The following MYT1L variants were observed in gnomAD, a reference collection of about 807,000 sequenced individuals.
MYT1L encodes myelin transcription factor 1-like protein.
A neutral mutation model predicts 126.7 loss-of-function variants in MYT1L; 12 were observed. The ratio of observed to expected loss-of-function variants is 0.09; its 90% CI spans 0.06 to 0.15. The LOEUF is 0.15. Ranked by LOEUF, MYT1L falls within the 10% of genes least tolerant of loss-of-function variation. The probability of loss-of-function intolerance (pLI) is 1.00; values close to 1 mark genes in which losing one functional copy is unlikely to be tolerated. For synonymous variants in MYT1L, 541 were observed against 604.2 expected (o/e 0.90, Z 1.53); for missense variants, 979 against 1,585.2 (o/e 0.62, Z 6.49).
In MYT1L at chr2:1,887,756, C is replaced by G; in HGVS notation, c.2521-147G>C. On this transcript the variant is annotated intron_variant, in intron 16 of 24. Coordinates refer to ENST00000647738, the MANE Select transcript of MYT1L (RefSeq NM_001303052.2). This position sits in a 1 kb window ranked among gnomAD's most constrained non-coding sequence, Gnocchi z 4.8. ...GATCCTTTTGGTCCTGATAACGCCC[C>G]TACTGAAAATGCATATTGAACTTTT... is the stretch of plus-strand genomic sequence containing the variant. 2.1e-6 allele frequency: 2 copies of G among 947,304 alleles called. No homozygotes were observed. The highest frequency in any genetic ancestry group is 4.8e-5 in the East Asian group (2 of 41,258). 58.7% of individuals were successfully genotyped at this position (947,304 alleles called of 1,614,324 possible).
intron 2 of MYT1L, among the ~76,000 whole-genome samples, chr2:2,217,697 C>A (rs1010655793): frequency 0.087 from 5,986 of 68,814 alleles, 389 homozygotes; most frequent in African/African-American, 0.16. Context: ...ACAACAACAA[C>A]AACAACAACA....
chr2:1,975,259 C>CTGCCAGATCCCACCGCCAGATCCCAT (rs2060083202), intron 8 of MYT1L, among the ~76,000 whole-genome samples: 2 of 152,210 alleles, frequency 1.3e-5, no homozygotes, highest in Non-Finnish European at 2.9e-5. Flanking sequence ...CCAGATCCCA[C>CTGCCAGATCCCACCGCCAGATCCCAT]TGCCAGATCC....
intron 8 of MYT1L, among the ~76,000 whole-genome samples, chr2:1,950,672 G>A (rs11695699): frequency 0.12 from 17,975 of 152,222 alleles, 1,234 homozygotes; most frequent in East Asian, 0.31. Flanking sequence ...CCCAGAGGGC[G>A]AGTTCAGGGA....
intron 3 of MYT1L, among the ~76,000 whole-genome samples, chr2:2,069,040 C>T (rs2074265924): frequency 6.6e-6 from 1 of 151,866 alleles, no homozygotes; most frequent in African/African-American, 2.4e-5. Context: ...GAAAAACACA[C>T]AAGGAGAAAA....
intron 3 of MYT1L, among the ~76,000 whole-genome samples, chr2:2,072,184 T>C (rs373607579): frequency 4.1e-4 from 62 of 152,288 alleles, no homozygotes; most frequent in African/African-American, 1.4e-3. Context: ...TGTCTATATG[T>C]CTTTGGTGGG....
intron 9 of MYT1L, among the ~76,000 whole-genome samples, chr2:1,935,952 CTT>C (rs1352425980): frequency 3.3e-5 from 5 of 152,310 alleles, no homozygotes; most frequent in African/African-American, 2.4e-5. Flanking sequence ...GAGTTTTGCT[CTT>C]GTCACCCAGG....
chr2:1,839,738 G>T (rs1445450560), intron 20 of MYT1L, among the ~76,000 whole-genome samples: 2 of 152,172 alleles, frequency 1.3e-5, no homozygotes, highest in Non-Finnish European at 2.9e-5. Context: ...TTTTCAGGTG[G>T]AAAAAATGCA....
rs150930756 is a variant in MYT1L, at chr2:2,251,362, G to T, written c.-421+33042C>A. Among the ~76,000 whole-genome samples the T allele has an allele frequency of 2.4e-3, 368 of 152,270 alleles. 1 individual carries two copies. Among genetic ancestry groups the T allele is most frequent in the African/African-American group, 8.7e-3 (361 of 41,534 alleles). On this transcript the variant is annotated intron_variant, in intron 2 of 24. Coordinates refer to ENST00000647738, the MANE Select transcript of MYT1L (RefSeq NM_001303052.2). ...GCTGCAGCCCAGGCTTCACTCTCCT[G>T]CCCTTGCAAGTGGTATCACTCCACC...
chr2:2,011,955 G>A (rs1232663644), intron 4 of MYT1L, among the ~76,000 whole-genome samples: 1 of 152,134 alleles, frequency 6.6e-6, no homozygotes, highest in Non-Finnish European at 1.5e-5. Flanking sequence ...ACCACCAAGG[G>A]AATCAGAACA....
At chr2:2,118,863 G>A (rs2080577364) in intron 3 of MYT1L, among the ~76,000 whole-genome samples, 1 of 152,170 alleles carries the variant, frequency 6.6e-6, no homozygotes, top group East Asian at 1.9e-4. Flanking sequence ...ATCAAGGTTG[G>A]AACACTGACA....
chr2:2,175,460 C>G (rs2090624062), intron 2 of MYT1L, among the ~76,000 whole-genome samples: 1 of 151,976 alleles, frequency 6.6e-6, no homozygotes, highest in African/African-American at 2.4e-5. Context: ...TGTTTTTCAC[C>G]CTAAAAGCTC....
At chr2:1,953,301 C>T (rs2058050365) in intron 8 of MYT1L, among the ~76,000 whole-genome samples, 1 of 152,194 alleles carries the variant, frequency 6.6e-6, no homozygotes, top group Non-Finnish European at 1.5e-5. Context: ...TTTGGTCACC[C>T]CTTTGCTGTA....
chr2:1,946,408 T>C (rs1469646), intron 8 of MYT1L, among the ~76,000 whole-genome samples: 32,438 of 152,038 alleles, frequency 0.21, 3,550 homozygotes, highest in East Asian at 0.31. Flanking sequence ...TCCATGAAAC[T>C]GGTCCCTGGT....
intron 1 of MYT1L, among the ~76,000 whole-genome samples, chr2:2,307,958 T>G (rs1319278785): frequency 6.6e-6 from 1 of 151,972 alleles, no homozygotes; most frequent in Non-Finnish European, 1.5e-5. Flanking sequence ...ACACTCCACC[T>G]ATACTCCACC....
rs1308577357 is a variant in MYT1L, at chr2:1,953,003, CT to C, written c.153-9670del. Among the ~76,000 whole-genome samples, 193 of 128,200 alleles carry C rather than the reference CT, an allele frequency of 1.5e-3. 1 individual carries two copies. The East Asian group carries it at 0.031, about 21-fold the overall frequency. 84.1% of individuals were successfully genotyped at this position (128,200 alleles called of 152,430 possible). On this transcript the variant is annotated intron_variant, in intron 8 of 24. Transcript: ENST00000647738. ...CCTTTCTCTTTCTTTCTTTTCTTTT[CT>C]TTTCCTTCCTTCCTTCCTTCCTCTT... is the stretch of plus-strand genomic sequence containing the variant.
At chr2:1,959,525 G>A (rs72767316) in intron 8 of MYT1L, among the ~76,000 whole-genome samples, 121 of 152,284 alleles carry the variant, frequency 7.9e-4, no homozygotes, top group Admixed American at 1.5e-3. Flanking sequence ...TTATGCCTCC[G>A]TGCCTTCATG....
chr2:1,843,756 G>C (rs979900586), intron 19 of MYT1L, among the ~76,000 whole-genome samples: 3 of 152,184 alleles, frequency 2.0e-5, no homozygotes, highest in Admixed American at 2.0e-4. Context: ...CACAGAGGCC[G>C]AGCTCCTGTA....
At chr2:1,890,003 G>A (rs1441265261) in intron 15 of MYT1L, among the ~76,000 whole-genome samples, 1 of 151,734 alleles carries the variant, frequency 6.6e-6, no homozygotes, top group East Asian at 1.9e-4. Flanking sequence ...TAGGGAGGAG[G>A]ATAACAAAAG....
intron 23 of MYT1L, among the ~76,000 whole-genome samples, chr2:1,794,004 G>A (rs2032831087): frequency 6.6e-6 from 1 of 152,192 alleles, no homozygotes; most frequent in Non-Finnish European, 1.5e-5. Flanking sequence ...CCTTACTAGA[G>A]ATGATGTCAG....
Sources: gnomAD v4.1 joint callset for allele counts (sites outside exome capture counted in the v4.1 genomes callset) on GRCh38, gnomAD v4.1.1 for gene constraint, Gnocchi (gnomAD v3.1) non-coding constraint, MANE v1.5 for transcripts, NCBI Gene and HGNC (gene_info 2026-07-23, HGNC 2026-07-21) for gene names.